The following SRRM4 variants were observed in gnomAD, a reference collection of about 807,000 sequenced individuals.
The protein encoded by SRRM4 is serine/arginine repetitive matrix 4.
A neutral mutation model predicts 68.9 loss-of-function variants in SRRM4; 33 were observed. The observed-to-expected ratio is 0.48, with a 90% CI of 0.36 to 0.64. SRRM4 has a LOEUF of 0.64. SRRM4 is among the 30% of genes least tolerant of loss of function. SRRM4 has a pLI of 0.00. For missense variants in SRRM4, 817 were observed against 827.1 expected, an observed-to-expected ratio of 0.99 and a Z score of 0.15; for synonymous variants, 318 against 318.8, an observed-to-expected ratio of 1.00 and a Z score of 0.03.
intron 9 of SRRM4, among the ~76,000 whole-genome samples, chr12:119,146,402 C>T (rs1181228384): frequency 6.6e-6 from 1 of 151,610 alleles, no homozygotes; most frequent in South Asian, 2.1e-4. Flanking sequence ...GCGTGACCAA[C>T]ATGGAGAAAC....
Position 119,157,968 on chromosome 12 carries a change from A to G in SRRM4, c.*1170A>G, listed in dbSNP as rs1384458989. 1 of 152,622 alleles carries G rather than the reference A, an allele frequency of 6.6e-6. No individual in the cohort carries two copies. Among genetic ancestry groups the G allele is most frequent in the Non-Finnish European group, 1.5e-5 (1 of 68,186 alleles). The allele number at this position is 152,622 out of a possible 1,614,324, so 9.5% of individuals were successfully genotyped here. A position where few individuals can be genotyped will look rare whatever the true frequency, so the allele number is the denominator to read the frequency against. On this transcript the variant is annotated 3_prime_UTR_variant, in exon 13 of 13. Coordinates refer to ENST00000267260, the MANE Select transcript of SRRM4 (RefSeq NM_194286.4). The surrounding 1 kb of genome is among the most constrained non-coding windows in gnomAD (Gnocchi z 4.1). ...CAGAGTGCAGGGGAGAGGGGCTTGG[A>G]TATGCCATGTCTTGGGCTCCTGCTG... is the stretch of plus-strand genomic sequence containing the variant.
rs1291733328 is a variant in SRRM4, at chr12:119,085,133, T to C, written c.132-17103T>C. Among the ~76,000 whole-genome samples, 6 of 152,286 alleles carry C rather than the reference T, an allele frequency of 3.9e-5. No homozygotes were observed. In the South Asian group the frequency reaches 1.2e-3, roughly 32 times the overall value. The stretch of plus-strand genomic sequence containing the variant: ...CCAGGCTGGTCTCAAACTCCAGACC[T>C]CAGGTGGATCCACCTGCCTTGGCCT... On this transcript the variant is annotated intron_variant, in intron 1 of 12. Transcript: ENST00000267260.
intron 1 of SRRM4, among the ~76,000 whole-genome samples, chr12:119,076,138 TGAC>T (rs1300903694): frequency 6.6e-6 from 1 of 150,598 alleles, no homozygotes; most frequent in Non-Finnish European, 1.5e-5. Context: ...ATGATGATGA[TGAC>T]AATGGGAATA....
At chr12:119,057,031 T>C (rs1953780590) in intron 1 of SRRM4, among the ~76,000 whole-genome samples, 1 of 152,192 alleles carries the variant, frequency 6.6e-6, no homozygotes, top group Non-Finnish European at 1.5e-5. Context: ...CAACAGATGA[T>C]AAGATATAGG....
intron 8 of SRRM4, chr12:119,132,321 A>C (rs1283746941): frequency 6.6e-6 from 1 of 152,230 alleles, no homozygotes; most frequent in Non-Finnish European, 1.5e-5. Context: ...AGAAATGGGC[A>C]TGATTATCCC....
chr12:119,096,707 G>T (rs577600529), intron 1 of SRRM4, among the ~76,000 whole-genome samples: 80 of 152,146 alleles, frequency 5.3e-4, no homozygotes, highest in Non-Finnish European at 1.0e-3. Context: ...GGTTCTTCCC[G>T]CTCCACCATT....
chr12:119,061,686 A>AACTAC (rs1953813097), intron 1 of SRRM4, among the ~76,000 whole-genome samples: 1 of 152,156 alleles, frequency 6.6e-6, no homozygotes, highest in South Asian at 2.1e-4. Context: ...TTCTGAAAAG[A>AACTAC]TAGATGTGTC....
chr12:119,096,993 A>G (rs536857080), intron 1 of SRRM4, among the ~76,000 whole-genome samples: 2 of 152,310 alleles, frequency 1.3e-5, no homozygotes, highest in South Asian at 4.1e-4. Flanking sequence ...GTCTCTGATT[A>G]GCAGGAACAG....
At chr12:119,037,475 C>T (rs1953637307) in intron 1 of SRRM4, among the ~76,000 whole-genome samples, 1 of 152,114 alleles carries the variant, frequency 6.6e-6, no homozygotes, top group Non-Finnish European at 1.5e-5. Flanking sequence ...CTGTAAGCCT[C>T]CCCATCACAT....
chr12:119,077,922 T>C (rs1953926104), intron 1 of SRRM4, among the ~76,000 whole-genome samples: 1 of 152,144 alleles, frequency 6.6e-6, no homozygotes, highest in South Asian at 2.1e-4. Flanking sequence ...GCCCCACATA[T>C]AGGGTTCTTG....
chr12:119,137,199 G>A (rs187557267), intron 8 of SRRM4, among the ~76,000 whole-genome samples: 14 of 151,400 alleles, frequency 9.2e-5, no homozygotes, highest in Non-Finnish European at 1.8e-4. Flanking sequence ...CATATGGCAG[G>A]GAAGAAAAAA....
chr12:119,106,021 T>C (rs1345173322), intron 2 of SRRM4, among the ~76,000 whole-genome samples: 2 of 152,246 alleles, frequency 1.3e-5, no homozygotes, highest in Non-Finnish European at 2.9e-5. Context: ...TTCAGCTTTC[T>C]ACATATGGCT....
At chr12:119,019,908 A>G (rs1049010937) in intron 1 of SRRM4, among the ~76,000 whole-genome samples, 16 of 149,594 alleles carry the variant, frequency 1.1e-4, no homozygotes, top group Non-Finnish European at 2.1e-4. Context: ...GGGAACTTAG[A>G]TGCTTTGAGA....
intron 1 of SRRM4, among the ~76,000 whole-genome samples, chr12:119,003,400 G>A (rs1953397846): frequency 6.6e-6 from 1 of 151,778 alleles, no homozygotes; most frequent in South Asian, 2.1e-4. Flanking sequence ...TACTCTCAGG[G>A]ACATGCCATA....
chr12:119,156,435 C>A, intron 12 of SRRM4, 60 bp from the exon 13 acceptor site: 2 of 1,507,702 alleles, frequency 1.3e-6, no homozygotes, highest in Admixed American at 2.2e-5. Flanking sequence ...AAGACTGGGG[C>A]TCGCTGCGGG....
intron 1 of SRRM4, among the ~76,000 whole-genome samples, chr12:119,020,930 C>T (rs1263471024): frequency 6.6e-6 from 1 of 152,150 alleles, no homozygotes; most frequent in Non-Finnish European, 1.5e-5. Flanking sequence ...GATGCCTTCT[C>T]GCCCGTAGAG....
At chr12:119,052,759 A>T (rs146064683) in intron 1 of SRRM4, among the ~76,000 whole-genome samples, 53 of 152,128 alleles carry the variant, frequency 3.5e-4, no homozygotes, top group African/African-American at 1.2e-3. Context: ...CGATCTCCTG[A>T]CCTCGTGATC....
chr12:118,994,601 C>A (rs898990726), intron 1 of SRRM4, among the ~76,000 whole-genome samples: 2 of 152,176 alleles, frequency 1.3e-5, no homozygotes, highest in Non-Finnish European at 2.9e-5. Context: ...TGACGCATGC[C>A]AAGGAAGGGG....
chr12:119,146,439 A>C (rs1954402408), intron 9 of SRRM4, among the ~76,000 whole-genome samples: 1 of 151,860 alleles, frequency 6.6e-6, no homozygotes, highest in Non-Finnish European at 1.5e-5. Context: ...ATACAAAATT[A>C]GCCGGGTGTG....
Sources: allele counts gnomAD v4.1 joint callset (sites outside exome capture counted in the v4.1 genomes callset), GRCh38; gene constraint gnomAD v4.1.1; non-coding constraint Gnocchi (gnomAD v3.1); transcripts MANE v1.5; gene names NCBI Gene and HGNC (gene_info 2026-07-23, HGNC 2026-07-21).